PCDH11X: variants seen among roughly 807,000 people sequenced by gnomAD.
PCDH11X encodes the protein protocadherin-11 X-linked.
A neutral mutation model predicts 53.3 loss-of-function variants in PCDH11X; 18 were observed. The observed-to-expected ratio is 0.34, with a 90% confidence interval of 0.23 to 0.50. The LOEUF is 0.50. PCDH11X is among the 20% of genes least tolerant of loss of function. PCDH11X has a pLI of 0.98. For synonymous variants in PCDH11X, 279 were observed against 393.3 expected, an observed-to-expected ratio of 0.71 and a Z score of 3.44; for missense variants, 570 against 1,032.4, an observed-to-expected ratio of 0.55 and a Z score of 6.14.
intron 4 of PCDH11X, among the ~76,000 whole-genome samples, chrX:91,821,527 T>C (rs1463710774): frequency 3.6e-5 from 4 of 110,663 alleles, no homozygotes; most frequent in African/African-American, 1.0e-4. Flanking sequence ...TGATTTTGTA[T>C]CCTGAGACTT....
intron 6 of PCDH11X, among the ~76,000 whole-genome samples, chrX:92,054,840 AAAAAG>A (rs1556004429): frequency 2.9e-5 from 3 of 104,816 alleles, no homozygotes; most frequent in African/African-American, 7.2e-5. Context: ...AAAAAAAAAA[AAAAAG>A]AAAAGAAAAG....
intron 6 of PCDH11X, among the ~76,000 whole-genome samples, chrX:92,153,152 TATAC>T (rs2065470398): frequency 9.1e-6 from 1 of 110,188 alleles, no homozygotes; most frequent in African/African-American, 3.3e-5. Flanking sequence ...CCCAAGGGGG[TATAC>T]TTAGCACATT....
chrX:92,136,390 C>T (rs1299051164), intron 6 of PCDH11X, among the ~76,000 whole-genome samples: 1 of 109,376 alleles, frequency 9.1e-6, no homozygotes, highest in Non-Finnish European at 1.9e-5. Flanking sequence ...GGGATCAGAT[C>T]TTGTAGAGTA....
chrX:91,825,186 G>T (rs1212736167), intron 4 of PCDH11X, among the ~76,000 whole-genome samples: 1 of 108,714 alleles, frequency 9.2e-6, no homozygotes, highest in Non-Finnish European at 1.9e-5. Flanking sequence ...GCCTCCTTGA[G>T]CTGTGGTGGG....
chrX:91,968,500 A>C (rs1025948751), intron 6 of PCDH11X, among the ~76,000 whole-genome samples: 7 of 111,416 alleles, frequency 6.3e-5, no homozygotes, highest in Admixed American at 1.9e-4. Flanking sequence ...CAGGTTCCTG[A>C]TTTTAGGCTA....
intron 6 of PCDH11X, among the ~76,000 whole-genome samples, chrX:91,920,191 C>T (rs1051446288): frequency 3.6e-4 from 40 of 111,105 alleles, no homozygotes; most frequent in African/African-American, 1.3e-3. Flanking sequence ...ATTTTTTCTC[C>T]AGAGCATGTT....
In PCDH11X at chrX:91,939,601, G is replaced by A. The variant is rs866862124; in HGVS notation, c.3033+60328G>A. On this transcript the variant is annotated intron_variant, in intron 6 of 10. Coordinates refer to ENST00000682573, the MANE Select transcript of PCDH11X (RefSeq NM_032968.5). ...GATAAAGAAAAAAAAATGTAACGCA[G>A]CCAGAGAAACAAGACACACTATGTA... Among the ~76,000 whole-genome samples the A allele has an allele frequency of 5.5e-5, 6 of 108,761 alleles. No individual in the cohort carries two copies. In the South Asian group the frequency reaches 1.2e-3, roughly 22 times the overall value. The allele number at this position is 108,761 out of a possible 115,157, so 94.4% of individuals were successfully genotyped here.
intron 7 of PCDH11X, among the ~76,000 whole-genome samples, chrX:92,246,596 C>G (rs745937143): frequency 6.3e-5 from 7 of 111,410 alleles, no homozygotes; most frequent in Non-Finnish European, 1.1e-4. Context: ...GGTGATCCAC[C>G]TGCCTCAGCC....
chrX:92,433,171 C>T (rs193204738), intron 9 of PCDH11X, among the ~76,000 whole-genome samples: 1 of 111,062 alleles, frequency 9.0e-6, no homozygotes, highest in Admixed American at 9.6e-5. Flanking sequence ...GTAATTGCTA[C>T]TAGGGACTAT....
intron 6 of PCDH11X, among the ~76,000 whole-genome samples, chrX:92,052,094 C>T (rs2063375780): frequency 9.0e-6 from 1 of 111,258 alleles, no homozygotes; most frequent in African/African-American, 3.3e-5. Context: ...TTCTTATCCC[C>T]ACAGCAACTC....
At chrX:92,129,522 A>G (rs12687368) in intron 6 of PCDH11X, among the ~76,000 whole-genome samples, 8,313 of 112,164 alleles carry the variant, frequency 0.074, 494 homozygotes, top group East Asian at 0.45. Flanking sequence ...TATAAGTTTT[A>G]TAGGACAAGG....
chrX:92,266,602 GA>G (rs1168667263), intron 8 of PCDH11X, among the ~76,000 whole-genome samples: 1 of 111,877 alleles, frequency 8.9e-6, no homozygotes, highest in Non-Finnish European at 1.9e-5. Context: ...ATTCACAGCA[GA>G]AAAGAAGCAA....
At chrX:92,022,367 A>T (rs1397731788) in intron 6 of PCDH11X, among the ~76,000 whole-genome samples, 1 of 108,984 alleles carries the variant, frequency 9.2e-6, no homozygotes, top group African/African-American at 3.4e-5. Flanking sequence ...AACAAAAAGC[A>T]GGGGTTGCCA....
At chrX:92,520,187 T>A (rs1046602996) in intron 10 of PCDH11X, among the ~76,000 whole-genome samples, 14 of 108,972 alleles carry the variant, frequency 1.3e-4, no homozygotes, top group African/African-American at 4.7e-4. Context: ...TCCAGACCAT[T>A]GCAATAAAGT....
chrX:91,875,404 T>G (rs1939547429), intron 5 of PCDH11X, among the ~76,000 whole-genome samples: 1 of 104,519 alleles, frequency 9.6e-6, no homozygotes. Flanking sequence ...TGCCTCAGCC[T>G]CCTGAGCAGC....
intron 6 of PCDH11X, among the ~76,000 whole-genome samples, chrX:92,162,576 A>C (rs751954856): frequency 5.1e-4 from 56 of 109,566 alleles, no homozygotes; most frequent in Non-Finnish European, 9.7e-4. Flanking sequence ...GCTTCCTGAG[A>C]GCGGAACTCT....
intron 1 of PCDH11X, among the ~76,000 whole-genome samples, chrX:91,801,817 C>T (rs1481921362): frequency 8.9e-6 from 1 of 112,024 alleles, no homozygotes; most frequent in Non-Finnish European, 1.9e-5. Flanking sequence ...GACTCCCAGT[C>T]ACACTTAGAT....
At chrX:92,536,291 C>G (rs1384388186) in intron 10 of PCDH11X, among the ~76,000 whole-genome samples, 1 of 111,194 alleles carries the variant, frequency 9.0e-6, no homozygotes, top group Non-Finnish European at 1.9e-5. Context: ...CTGCCAGTTC[C>G]TGTATTATTT....
intron 6 of PCDH11X, among the ~76,000 whole-genome samples, chrX:91,887,209 C>A (rs1380811869): frequency 9.1e-6 from 1 of 109,954 alleles, no homozygotes; most frequent in Non-Finnish European, 1.9e-5. Flanking sequence ...CACTACAGGA[C>A]AAGCAGACCT....
Sources: gnomAD v4.1 joint callset for allele counts (sites outside exome capture counted in the v4.1 genomes callset) on GRCh38, gnomAD v4.1.1 for gene constraint, MANE v1.5 for transcripts, NCBI Gene and HGNC (gene_info 2026-07-23, HGNC 2026-07-21) for gene names.